The following RIMS2 variants were observed in gnomAD, a reference collection of about 807,000 sequenced individuals.
The protein encoded by RIMS2 is regulating synaptic membrane exocytosis protein 2.
Under a neutral mutation model 174.4 loss-of-function variants are expected in RIMS2, and 59 were observed. The ratio of observed to expected loss-of-function variants is 0.34; its 90% CI spans 0.27 to 0.42. RIMS2 has a LOEUF of 0.42. Among genes scored for constraint, RIMS2 ranks in the 10% least tolerant of loss-of-function variants. The probability of loss-of-function intolerance (pLI) is 1.00; values close to 1 mark genes in which losing one functional copy is unlikely to be tolerated. For synonymous variants in RIMS2, 606 were observed against 572.5 expected, an observed-to-expected ratio of 1.06 and a Z score of -0.84; for missense variants, 1,620 against 1,666.3, an observed-to-expected ratio of 0.97 and a Z score of 0.48.
intron 1 of RIMS2, among the ~76,000 whole-genome samples, chr8:103,688,756 T>C (rs1287516554): frequency 6.6e-6 from 1 of 152,094 alleles, no homozygotes; most frequent in Admixed American, 6.6e-5. Context: ...CTTTAATGCC[T>C]GATTTCATTT....
intron 19 of RIMS2, among the ~76,000 whole-genome samples, chr8:104,105,820 T>G (rs1235483257): frequency 6.6e-6 from 1 of 151,704 alleles, no homozygotes. Context: ...GGGCAGATCA[T>G]GAGCTCAGGA....
At chr8:103,749,852 G>A (rs1270910802) in intron 2 of RIMS2, among the ~76,000 whole-genome samples, 1 of 152,044 alleles carries the variant, frequency 6.6e-6, no homozygotes, top group Non-Finnish European at 1.5e-5. Flanking sequence ...AAAAAACTAG[G>A]AAGTGGTTTC....
chr8:103,759,053 A>G (rs1240825563), intron 2 of RIMS2, among the ~76,000 whole-genome samples: 1 of 152,164 alleles, frequency 6.6e-6, no homozygotes, highest in East Asian at 1.9e-4. Context: ...GGGAGGAGAA[A>G]GAAGACAGGT....
intron 2 of RIMS2, among the ~76,000 whole-genome samples, chr8:103,751,799 T>G (rs1454994932): frequency 6.6e-6 from 1 of 151,290 alleles, no homozygotes; most frequent in Non-Finnish European, 1.5e-5. Flanking sequence ...GGGTTGTTTG[T>G]TTTTTTCTTG....
intron 1 of RIMS2, among the ~76,000 whole-genome samples, chr8:103,670,648 A>C (rs555786146): frequency 6.6e-6 from 1 of 152,190 alleles, no homozygotes; most frequent in African/African-American, 2.4e-5. Flanking sequence ...CAGGGACAAA[A>C]TGTTGCCAGT....
At chr8:104,052,416 G>A (rs543792280) in intron 19 of RIMS2, among the ~76,000 whole-genome samples, 445 of 152,256 alleles carry the variant, frequency 2.9e-3, no homozygotes, top group Middle Eastern at 6.8e-3. Context: ...ACAGGGGCAT[G>A]GTCATGGGTG....
At chr8:104,146,364 G>A (rs2098640052) in intron 19 of RIMS2, among the ~76,000 whole-genome samples, 3 of 152,102 alleles carry the variant, frequency 2.0e-5, no homozygotes, top group African/African-American at 4.8e-5. Context: ...GGGTGACAGA[G>A]CAAAACACCA....
intron 19 of RIMS2, among the ~76,000 whole-genome samples, chr8:104,018,305 ATAAG>A (rs1385424800): frequency 1.3e-5 from 2 of 152,226 alleles, no homozygotes; most frequent in East Asian, 1.9e-4. Context: ...TCTAAAATAA[ATAAG>A]TGATTGTTTT....
At chr8:104,050,391 T>G (rs2096766193) in intron 19 of RIMS2, among the ~76,000 whole-genome samples, 2 of 152,130 alleles carry the variant, frequency 1.3e-5, no homozygotes, top group Admixed American at 1.3e-4. Context: ...TTAAAATTCT[T>G]ATGTAACCTA....
chr8:103,928,791 A>G (rs72681376), intron 11 of RIMS2, among the ~76,000 whole-genome samples: 19,152 of 151,404 alleles, frequency 0.13, 1,688 homozygotes, highest in Non-Finnish European at 0.19. Flanking sequence ...AATTTAAATT[A>G]TACTAATATT....
At chr8:103,830,721 T>C (rs1438760606) in intron 3 of RIMS2, among the ~76,000 whole-genome samples, 1 of 152,246 alleles carries the variant, frequency 6.6e-6, no homozygotes, top group Admixed American at 6.5e-5. Context: ...TTAACTGTGA[T>C]TATAGAATTT....
chr8:103,525,416 A>G (rs1037659488), intron 1 of RIMS2, among the ~76,000 whole-genome samples: 6 of 152,198 alleles, frequency 3.9e-5, no homozygotes, highest in African/African-American at 1.4e-4. Flanking sequence ...GCAGAAACTA[A>G]TGGATGGCCT....
At chr8:103,526,220 C>T (rs557685353) in intron 1 of RIMS2, among the ~76,000 whole-genome samples, 12 of 152,232 alleles carry the variant, frequency 7.9e-5, no homozygotes, top group East Asian at 5.8e-4. Context: ...GGATGAGCTG[C>T]GAATTGAATG....
At chr8:103,832,717 A>C (rs886749325) in intron 3 of RIMS2, among the ~76,000 whole-genome samples, 24 of 152,160 alleles carry the variant, frequency 1.6e-4, no homozygotes, top group Non-Finnish European at 2.6e-4. Context: ...ACATGATCTC[A>C]TTCTTTTTTT....
intron 1 of RIMS2, among the ~76,000 whole-genome samples, chr8:103,680,911 A>C (rs1448876436): frequency 6.6e-6 from 1 of 152,034 alleles, no homozygotes; most frequent in African/African-American, 2.4e-5. Context: ...ATCCATTTGG[A>C]AGAGCAGTTA....
chr8:103,989,197 C>T, intron 16 of RIMS2, 108 bp from the exon 19 acceptor site: 4 of 682,736 alleles, frequency 5.9e-6, no homozygotes, highest in Non-Finnish European at 1.0e-5. Flanking sequence ...AAAATTTGGA[C>T]TTCACCATAT....
At chr8:104,059,804 C>T (rs1225454440) in intron 19 of RIMS2, among the ~76,000 whole-genome samples, 9 of 152,002 alleles carry the variant, frequency 5.9e-5, no homozygotes, top group Non-Finnish European at 1.3e-4. Context: ...TGTCAAAGGC[C>T]TTTTCTGCAT....
At chr8:103,735,086 A>G (rs2097668716) in intron 2 of RIMS2, among the ~76,000 whole-genome samples, 1 of 152,200 alleles carries the variant, frequency 6.6e-6, no homozygotes, top group South Asian at 2.1e-4. Flanking sequence ...ACATTTGTTA[A>G]AAGTTCAGCC....
chr8:104,047,645 T>C (rs1311575349), intron 19 of RIMS2, among the ~76,000 whole-genome samples: 1 of 152,192 alleles, frequency 6.6e-6, no homozygotes, highest in African/African-American at 2.4e-5. Context: ...TTATTTTTTA[T>C]AAAAATACAT....
Sources: gnomAD v4.1 joint callset for allele counts (sites outside exome capture counted in the v4.1 genomes callset) on GRCh38, gnomAD v4.1.1 for gene constraint, MANE v1.5 for transcripts, NCBI Gene and HGNC (gene_info 2026-07-23, HGNC 2026-07-21) for gene names.